Variants in FANCC observed in about 807,000 individuals in gnomAD.
FANCC encodes Fanconi anemia group C protein.
Under a neutral mutation model 71.3 loss-of-function variants are expected in FANCC, and 55 were observed. That is an observed-to-expected ratio of 0.77 (90% CI 0.62 to 0.97). FANCC has a LOEUF of 0.97. Among genes scored for constraint, FANCC ranks in the 50% least tolerant of loss-of-function variants. The pLI is 0.00. For synonymous variants in FANCC, 275 were observed against 244.9 expected (o/e 1.12, Z -1.15); for missense variants, 678 against 670.9 (o/e 1.01, Z -0.12).
chr9:95,209,284 A>G (rs1023744587), intron 4 of FANCC, among the ~76,000 whole-genome samples: 2 of 152,190 alleles, frequency 1.3e-5, no homozygotes, highest in Admixed American at 6.5e-5. Flanking sequence ...ACTACGCTGT[A>G]TGATACTGTA....
intron 4 of FANCC, among the ~76,000 whole-genome samples, chr9:95,222,023 T>C (rs759288292): frequency 1.8e-4 from 27 of 152,160 alleles, no homozygotes; most frequent in Non-Finnish European, 2.6e-4. Flanking sequence ...TATGACTATA[T>C]AAAACTTTTA....
At position 95,101,271 on chromosome 9, in the gene FANCC, C is replaced by G. The variant is rs1483841776; in HGVS notation, c.*436G>C. On this transcript the variant is annotated 3_prime_UTR_variant, in exon 15 of 15. Transcript: ENST00000289081. ...TGGCTTTATCCCAGATCCCTGACTC[C>G]TAAAAAGAGTCTAAAAAGAGCTAAG... 1 of 308,552 alleles carries G rather than the reference C, an allele frequency of 3.2e-6. No homozygotes were observed. Among genetic ancestry groups the G allele is most frequent in the Non-Finnish European group, 6.1e-6 (1 of 163,210 alleles). 19.1% of individuals were successfully genotyped at this position (308,552 alleles called of 1,614,324 possible). A position where few individuals can be genotyped will look rare whatever the true frequency, so the allele number is the denominator to read the frequency against.
At chr9:95,172,008 T>C (rs897560783) in intron 5 of FANCC, 29 bp downstream of exon 5, 1 of 1,361,312 alleles carries the variant, frequency 7.3e-7, no homozygotes, top group Non-Finnish European at 1.1e-6. Flanking sequence ...CATTAAACAT[T>C]TCAAAAGTGA....
intron 4 of FANCC, among the ~76,000 whole-genome samples, chr9:95,212,446 A>T (rs981407584): frequency 2.6e-5 from 4 of 152,216 alleles, no homozygotes; most frequent in African/African-American, 9.7e-5. Context: ...AGGTGAATGG[A>T]ATTACCTCTT....
At chr9:95,161,850 T>TC (rs1220961704) in intron 6 of FANCC, among the ~76,000 whole-genome samples, 2 of 150,482 alleles carry the variant, frequency 1.3e-5, no homozygotes, top group African/African-American at 4.9e-5. Context: ...TTCTTTTTTT[T>TC]TTTTTTTTTG....
intron 7 of FANCC, among the ~76,000 whole-genome samples, chr9:95,136,682 C>T (rs1475116961): frequency 2.0e-5 from 3 of 152,102 alleles, no homozygotes; most frequent in Admixed American, 6.5e-5. Context: ...GGGGGTCTTG[C>T]TATTTTGCCC....
chr9:95,303,048 A>C (rs112131027), intron 1 of FANCC, among the ~76,000 whole-genome samples: 3,027 of 152,222 alleles, frequency 0.02, 59 homozygotes, highest in Middle Eastern at 0.078. Context: ...AGAGAGGGAG[A>C]GGTGTAAGGC....
intron 4 of FANCC, among the ~76,000 whole-genome samples, chr9:95,238,432 C>T (rs985206462): frequency 1.3e-5 from 2 of 152,120 alleles, no homozygotes; most frequent in African/African-American, 2.4e-5. Flanking sequence ...TTGAGGCCCT[C>T]GCAATTTCTC....
intron 1 of FANCC, among the ~76,000 whole-genome samples, chr9:95,296,423 C>T (rs1418234332): frequency 1.3e-5 from 2 of 151,772 alleles, no homozygotes; most frequent in Non-Finnish European, 2.9e-5. Context: ...TAAATGTTGT[C>T]TTTAAAAATA....
chr9:95,296,815 A>T (rs1834406980), intron 1 of FANCC, among the ~76,000 whole-genome samples: 1 of 152,256 alleles, frequency 6.6e-6, no homozygotes, highest in African/African-American at 2.4e-5. Context: ...GCTCTCATCT[A>T]CAGAATACCT....
intron 4 of FANCC, among the ~76,000 whole-genome samples, chr9:95,181,476 T>A (rs996895145): frequency 6.6e-6 from 1 of 152,132 alleles, no homozygotes; most frequent in Non-Finnish European, 1.5e-5. Context: ...CACAAAACCA[T>A]TAAAGATTAG....
chr9:95,234,137 G>A (rs1477157004), intron 4 of FANCC, among the ~76,000 whole-genome samples: 5 of 152,206 alleles, frequency 3.3e-5, no homozygotes, highest in Admixed American at 3.3e-4. Flanking sequence ...AGAGAACTGG[G>A]AAATGGTAGC....
intron 10 of FANCC, among the ~76,000 whole-genome samples, chr9:95,120,030 A>T (rs1361571105): frequency 6.6e-6 from 1 of 152,154 alleles, no homozygotes; most frequent in Non-Finnish European, 1.5e-5. Flanking sequence ...TTAAATTCTG[A>T]TGAGGTCTAA....
intron 13 of FANCC, 33 bp downstream of exon 13, chr9:95,111,430 C>G: frequency 6.2e-7 from 1 of 1,605,012 alleles, no homozygotes; most frequent in South Asian, 1.1e-5. Context: ...CCAGAGCCCA[C>G]CCCAAACACA....
intron 14 of FANCC, among the ~76,000 whole-genome samples, chr9:95,103,403 A>C (rs572108737): frequency 3.0e-4 from 46 of 152,260 alleles, no homozygotes; most frequent in Non-Finnish European, 6.5e-4. Flanking sequence ...TACAGAATTG[A>C]ACTCTGCATC....
At chr9:95,233,943 G>A (rs1334441926) in intron 4 of FANCC, among the ~76,000 whole-genome samples, 1 of 152,170 alleles carries the variant, frequency 6.6e-6, no homozygotes, top group Non-Finnish European at 1.5e-5. Flanking sequence ...ACCTCACAGA[G>A]GGCTGGCAGG....
At chr9:95,111,987 A>AGAT (rs2071978266) in intron 12 of FANCC, among the ~76,000 whole-genome samples, 1 of 152,144 alleles carries the variant, frequency 6.6e-6, no homozygotes. Flanking sequence ...CTGCCTTCTG[A>AGAT]GATGGGGAGA....
At position 95,135,419 on chromosome 9, in the gene FANCC, A is replaced by G. The variant is rs1060502515; in HGVS notation, c.770T>C (p.Leu257Pro). 13 of 1,614,074 alleles carry G rather than the reference A, an allele frequency of 8.1e-6. No individual in the cohort carries two copies. In the Admixed American group the frequency reaches 1.0e-4, roughly 12 times the overall value. The change falls in exon 8 of 15, where the codon CTT (leucine) becomes CCT (proline). Residue 257 changes from leucine (L) to proline (P), a missense_variant. Coordinates refer to ENST00000289081, the MANE Select transcript of FANCC (RefSeq NM_000136.3). ...LPSLEKAMLH[L>P]FEKLISSERN... The stretch of plus-strand genomic sequence containing the variant: ...CTCACTGGAGATTAGCTTTTCAAAA[A>G]GATGCAGCATTGCTTTTTCAAGGCT...
intron 4 of FANCC, among the ~76,000 whole-genome samples, chr9:95,226,490 T>C (rs1003186001): frequency 6.6e-6 from 1 of 151,418 alleles, no homozygotes; most frequent in Non-Finnish European, 1.5e-5. Flanking sequence ...CAGACAGGAG[T>C]GAGGGTAGCT....
Sources: allele counts gnomAD v4.1 joint callset (sites outside exome capture counted in the v4.1 genomes callset), GRCh38; gene constraint gnomAD v4.1.1; transcripts MANE v1.5; gene names NCBI Gene and HGNC (gene_info 2026-07-23, HGNC 2026-07-21).